The following GRK5 variants were observed in gnomAD, a reference collection of about 807,000 sequenced individuals.
GRK5 encodes g protein-coupled receptor kinase GRK5.
Under a neutral mutation model 78.4 loss-of-function variants are expected in GRK5, and 40 were observed. The observed-to-expected ratio is 0.51, with a 90% CI of 0.40 to 0.66. The LOEUF is 0.66. Among genes scored for constraint, GRK5 ranks in the 30% least tolerant of loss-of-function variants. The probability of loss-of-function intolerance (pLI) is 0.00; values close to 1 mark genes in which losing one functional copy is unlikely to be tolerated. For missense variants in GRK5, 598 were observed against 759.9 expected (o/e 0.79, Z 2.50); for synonymous variants, 289 against 296.8 (o/e 0.97, Z 0.27).
At chr10:119,398,491 G>C (rs1231509525) in intron 4 of GRK5, among the ~76,000 whole-genome samples, 1 of 152,204 alleles carries the variant, frequency 6.6e-6, no homozygotes, top group East Asian at 1.9e-4. Flanking sequence ...GGGGTCTTCA[G>C]CTACCCTCTG....
intron 1 of GRK5, among the ~76,000 whole-genome samples, chr10:119,305,708 G>A (rs944267988): frequency 6.6e-6 from 1 of 152,172 alleles, no homozygotes; most frequent in Non-Finnish European, 1.5e-5. Context: ...CCAGAGCAAC[G>A]TCATTTGAGA....
intron 3 of GRK5, among the ~76,000 whole-genome samples, chr10:119,388,481 T>C (rs7895478): frequency 0.6 from 91,362 of 152,132 alleles, 27,859 homozygotes; most frequent in Middle Eastern, 0.72. Flanking sequence ...GGATTACAGG[T>C]GTGCGCCACT....
At chr10:119,291,594 CTCCTCCTCTTCCTCCTCCTCTTCT>C (rs1849959309) in intron 1 of GRK5, among the ~76,000 whole-genome samples, 1 of 144,492 alleles carries the variant, frequency 6.9e-6, no homozygotes, top group Admixed American at 6.9e-5. Flanking sequence ...CTTCCTCCTC[CTCCTCCTCTTCCTCCTCCTCTTCT>C]TCCTCCTCTT....
chr10:119,288,458 C>T (rs1256075929), intron 1 of GRK5, among the ~76,000 whole-genome samples: 1 of 152,172 alleles, frequency 6.6e-6, no homozygotes, highest in Non-Finnish European at 1.5e-5. Context: ...GGCCTCCGAG[C>T]CCTGCTTCCC....
rs1213682689 is a variant in GRK5, at chr10:119,412,878, C to T, written c.340-10288C>T. On this transcript the variant is annotated intron_variant, in intron 4 of 15. Transcript: ENST00000392870. The surrounding 1 kb of genome is among the most constrained non-coding windows in gnomAD (Gnocchi z 4.3). ...CTGCTTTCCCCACCCCAGACCCCGT[C>T]GCTGCAGCTGGGTGAGCAGGGCTGA... is the stretch of plus-strand genomic sequence containing the variant. 3.3e-5 allele frequency among the ~76,000 whole-genome samples: 5 copies of T among 152,130 alleles called. No homozygotes were observed. The highest frequency in any genetic ancestry group is 7.2e-5 in the African/African-American group (3 of 41,422).
intron 1 of GRK5, among the ~76,000 whole-genome samples, chr10:119,266,220 C>T (rs1490674268): frequency 2.0e-5 from 3 of 152,140 alleles, no homozygotes; most frequent in Non-Finnish European, 4.4e-5. Flanking sequence ...CTTTGGGAGG[C>T]CGAGGTGGGC....
intron 3 of GRK5, among the ~76,000 whole-genome samples, chr10:119,386,775 C>T (rs185182402): frequency 2.8e-4 from 42 of 152,324 alleles, no homozygotes; most frequent in South Asian, 2.3e-3. Flanking sequence ...GGCGTAACTT[C>T]TCGTCTAAAA....
intron 1 of GRK5, among the ~76,000 whole-genome samples, chr10:119,237,335 T>C (rs1179648638): frequency 4.6e-5 from 7 of 152,240 alleles, no homozygotes; most frequent in Non-Finnish European, 1.0e-4. Context: ...AGTGCTGGGA[T>C]TACAGGCGTA....
At chr10:119,322,693 A>G (rs1338454043) in intron 1 of GRK5, among the ~76,000 whole-genome samples, 5 of 152,194 alleles carry the variant, frequency 3.3e-5, no homozygotes, top group Non-Finnish European at 7.4e-5. Flanking sequence ...CTGGGGTCCA[A>G]TCACAGAGGA....
chr10:119,321,672 G>A (rs1556709), intron 1 of GRK5, among the ~76,000 whole-genome samples: 104,950 of 152,128 alleles, frequency 0.69, 37,909 homozygotes, highest in Non-Finnish European at 0.79. Context: ...CATTTGTCAT[G>A]GAACCTAACG....
intron 2 of GRK5, among the ~76,000 whole-genome samples, chr10:119,360,167 G>A (rs1851337198): frequency 6.6e-6 from 1 of 151,972 alleles, no homozygotes; most frequent in Admixed American, 6.6e-5. Flanking sequence ...GGAAGTTGAG[G>A]GAGGCTGAGG....
At chr10:119,289,467 G>A (rs1470867198) in intron 1 of GRK5, among the ~76,000 whole-genome samples, 1 of 152,230 alleles carries the variant, frequency 6.6e-6, no homozygotes, top group Non-Finnish European at 1.5e-5. Context: ...CCTGCCTGTG[G>A]CTCTCTTCCC....
At chr10:119,350,481 A>G (rs1851171427) in intron 2 of GRK5, among the ~76,000 whole-genome samples, 1 of 152,222 alleles carries the variant, frequency 6.6e-6, no homozygotes, top group Non-Finnish European at 1.5e-5. Flanking sequence ...TGGATCCTGC[A>G]GCATCTTTGT....
chr10:119,305,621 C>T (rs1036029725), intron 1 of GRK5, among the ~76,000 whole-genome samples: 4 of 152,068 alleles, frequency 2.6e-5, no homozygotes, highest in African/African-American at 9.7e-5. Flanking sequence ...AGGACAAGAC[C>T]CTAAGACCTG....
rs895514036 is a variant in GRK5, at chr10:119,379,814, C to T, written c.149-1001C>T. Among the ~76,000 whole-genome samples, 2 of 152,178 alleles carry T rather than the reference C, an allele frequency of 1.3e-5. No individual in the cohort carries two copies. Among genetic ancestry groups the T allele is most frequent in the Admixed American group, 6.5e-5 (1 of 15,284 alleles). ...AGGGAAAGGGCCCCCATCCCAACTC[C>T]AGCATGCCCTTCTTGTTTTCAGAGG... On this transcript the variant is annotated intron_variant, in intron 2 of 15. Transcript: ENST00000392870. This position sits in a 1 kb window ranked among gnomAD's most constrained non-coding sequence, Gnocchi z 4.1.
intron 13 of GRK5, 79 bp downstream of exon 13, chr10:119,448,339 G>C (rs767635007): frequency 6.8e-7 from 1 of 1,475,270 alleles, no homozygotes. Context: ...CTCACAGTGA[G>C]CTGGTGCAGA....
intron 2 of GRK5, among the ~76,000 whole-genome samples, chr10:119,353,853 A>G (rs1183341107): frequency 6.6e-6 from 1 of 151,018 alleles, no homozygotes; most frequent in Admixed American, 6.6e-5. Context: ...TCCCCACATC[A>G]CTTTTGTCCT....
chr10:119,263,299 G>A (rs1849441231), intron 1 of GRK5, among the ~76,000 whole-genome samples: 2 of 152,154 alleles, frequency 1.3e-5, no homozygotes, highest in Non-Finnish European at 2.9e-5. Flanking sequence ...GAGCCACCAT[G>A]CCCAGTCCAC....
At chr10:119,381,286 T>C (rs1851706112) in intron 3 of GRK5, among the ~76,000 whole-genome samples, 1 of 152,230 alleles carries the variant, frequency 6.6e-6, no homozygotes, top group Non-Finnish European at 1.5e-5. Context: ...TGAGAACCCA[T>C]TTTATAGAAT....
Sources: gnomAD v4.1 joint callset for allele counts (sites outside exome capture counted in the v4.1 genomes callset) on GRCh38, gnomAD v4.1.1 for gene constraint, Gnocchi (gnomAD v3.1) non-coding constraint, MANE v1.5 for transcripts, NCBI Gene and HGNC (gene_info 2026-07-23, HGNC 2026-07-21) for gene names.